CFAP95: variants seen among roughly 807,000 people sequenced by gnomAD.
CFAP95 encodes the protein cilia and flagella associated protein 95.
At chr9:69,856,844 C>A in the CFAP95 span, among the ~76,000 whole-genome samples, 2 of 150,982 alleles carry the variant, frequency 1.3e-5, no homozygotes, top group Non-Finnish European at 2.9e-5. Context: ...TTGGGAGTTT[C>A]TTTTCGTCAA....
the CFAP95 span, among the ~76,000 whole-genome samples, chr9:69,850,207 G>A: frequency 6.6e-6 from 1 of 152,218 alleles, no homozygotes; most frequent in African/African-American, 2.4e-5. Context: ...TAGAAGCTGA[G>A]AACTTGTCAG....
At chr9:69,841,192 A>ATATATATATATATATATATATATATG in the CFAP95 span, among the ~76,000 whole-genome samples, 2 of 124,438 alleles carry the variant, frequency 1.6e-5, no homozygotes, top group African/African-American at 5.7e-5. Flanking sequence ...ATATATATAT[A>ATATATATATATATATATATATATATG]TATATTTCTG....
the CFAP95 span, among the ~76,000 whole-genome samples, chr9:69,890,135 G>T: frequency 0.85 from 128,711 of 152,096 alleles, 54,548 homozygotes; most frequent in Middle Eastern, 0.9. Context: ...ACATGGGATT[G>T]GACTGTATCT....
the CFAP95 span, among the ~76,000 whole-genome samples, chr9:69,851,071 T>G: frequency 6.6e-6 from 1 of 152,310 alleles, no homozygotes; most frequent in South Asian, 2.1e-4. Context: ...CTTTTCTACA[T>G]CAGTAATCAT....
the CFAP95 span, among the ~76,000 whole-genome samples, chr9:69,899,814 C>G: frequency 6.6e-6 from 1 of 152,208 alleles, no homozygotes; most frequent in Admixed American, 6.5e-5. Context: ...TCCCAGCAGA[C>G]AGCATGGCAC....
chr9:69,834,363 C>T, the CFAP95 span, among the ~76,000 whole-genome samples: 1 of 152,224 alleles, frequency 6.6e-6, no homozygotes, highest in African/African-American at 2.4e-5. Context: ...AGAACGTACT[C>T]ACCCTGGTTT....
At chr9:69,875,702 A>T in the CFAP95 span, among the ~76,000 whole-genome samples, 1 of 152,146 alleles carries the variant, frequency 6.6e-6, no homozygotes, top group Non-Finnish European at 1.5e-5. Flanking sequence ...TTGTCTATTA[A>T]CACAAACATA....
At chr9:69,844,263 G>A in the CFAP95 span, among the ~76,000 whole-genome samples, 1 of 152,276 alleles carries the variant, frequency 6.6e-6, no homozygotes, top group East Asian at 1.9e-4. Flanking sequence ...TGGAATCACT[G>A]AGTAATTACT....
chr9:69,858,850 C>T, the CFAP95 span, among the ~76,000 whole-genome samples: 1 of 152,104 alleles, frequency 6.6e-6, no homozygotes, highest in Non-Finnish European at 1.5e-5. Flanking sequence ...TTTGTTTTGG[C>T]AGGGAAGCAT....
At chr9:69,905,745 A>T in the CFAP95 span, among the ~76,000 whole-genome samples, 2 of 152,176 alleles carry the variant, frequency 1.3e-5, no homozygotes, top group Non-Finnish European at 2.9e-5. Flanking sequence ...ACAACCATGA[A>T]TTATATTCTT....
At chr9:69,900,714 G>T in the CFAP95 span, among the ~76,000 whole-genome samples, 1 of 152,148 alleles carries the variant, frequency 6.6e-6, no homozygotes, top group Non-Finnish European at 1.5e-5. Flanking sequence ...GCTACCTTAG[G>T]ATCTCATCCA....
chr9:69,876,590 T>A, the CFAP95 span, among the ~76,000 whole-genome samples: 177 of 152,196 alleles, frequency 1.2e-3, no homozygotes, highest in African/African-American at 3.9e-3. Flanking sequence ...CCTCTTTTGG[T>A]TAGATTTATT....
At chr9:69,868,778 T>C in the CFAP95 span, among the ~76,000 whole-genome samples, 2 of 149,394 alleles carry the variant, frequency 1.3e-5, no homozygotes, top group Non-Finnish European at 3.0e-5. Context: ...ATATCCAAAA[T>C]TTACAAGGAA....
chr9:69,852,289 T>C, the CFAP95 span, among the ~76,000 whole-genome samples: 2 of 152,146 alleles, frequency 1.3e-5, no homozygotes, highest in Non-Finnish European at 2.9e-5. Flanking sequence ...TGCCAGCTCC[T>C]CCTTTATTCC....
At chr9:69,851,796 A>C in the CFAP95 span, among the ~76,000 whole-genome samples, 1 of 151,542 alleles carries the variant, frequency 6.6e-6, no homozygotes, top group Non-Finnish European at 1.5e-5. Context: ...TGAGCCCATG[A>C]GTTTGAGGCT....
the CFAP95 span, chr9:69,820,915 C>A: frequency 1.2e-6 from 2 of 1,613,948 alleles, no homozygotes; most frequent in African/African-American, 1.3e-5. Flanking sequence ...AGGACTGGTG[C>A]GACAGGAAGC....
the CFAP95 span, among the ~76,000 whole-genome samples, chr9:69,875,771 A>G: frequency 2.6e-5 from 4 of 152,072 alleles, no homozygotes; most frequent in African/African-American, 7.3e-5. Flanking sequence ...CCATCTACTC[A>G]TTACCCAGTT....
the CFAP95 span, among the ~76,000 whole-genome samples, chr9:69,843,684 GC>G: frequency 6.9e-6 from 1 of 144,992 alleles, no homozygotes; most frequent in African/African-American, 2.6e-5. Flanking sequence ...TTATTCTGTT[GC>G]CCAGGCTGGA....
chr9:69,893,824 T>C, the CFAP95 span, among the ~76,000 whole-genome samples: 2 of 152,234 alleles, frequency 1.3e-5, no homozygotes, highest in African/African-American at 4.8e-5. Flanking sequence ...CATCTGACTA[T>C]ATCCACGATT....
Sources: allele counts gnomAD v4.1 joint callset (sites outside exome capture counted in the v4.1 genomes callset), GRCh38; gene constraint gnomAD v4.1.1; transcripts MANE v1.5; gene names NCBI Gene and HGNC (gene_info 2026-07-23, HGNC 2026-07-21).